LPAR1: variants seen among roughly 807,000 people sequenced by gnomAD.
The protein encoded by LPAR1 is lysophosphatidic acid receptor 1, also known as LPA receptor 1.
Under a neutral mutation model 23.8 loss-of-function variants are expected in LPAR1, and 5 were observed. That is an observed-to-expected ratio of 0.21 (90% CI 0.11 to 0.44). LPAR1 has a LOEUF of 0.44. Among genes scored for constraint, LPAR1 ranks in the 20% least tolerant of loss-of-function variants. The probability of loss-of-function intolerance (pLI) is 0.99; values close to 1 mark genes in which losing one functional copy is unlikely to be tolerated. For synonymous variants in LPAR1, 160 were observed against 164.7 expected (o/e 0.97, Z 0.22); for missense variants, 311 against 482.8 (o/e 0.64, Z 3.33).
At chr9:110,932,996 T>C (rs2094496742) in intron 5 of LPAR1, among the ~76,000 whole-genome samples, 1 of 152,230 alleles carries the variant, frequency 6.6e-6, no homozygotes, top group Admixed American at 6.5e-5. Flanking sequence ...AGTGGCCTGT[T>C]ACATTCCAAA....
intron 5 of LPAR1, among the ~76,000 whole-genome samples, chr9:110,939,905 T>C (rs2094972260): frequency 6.6e-6 from 1 of 152,202 alleles, no homozygotes; most frequent in South Asian, 2.1e-4. Flanking sequence ...AGGAAAAAAG[T>C]CTCATGTTAT....
At chr9:110,890,940 G>A (rs965217273) in intron 5 of LPAR1, among the ~76,000 whole-genome samples, 28 of 102,872 alleles carry the variant, frequency 2.7e-4, no homozygotes, top group African/African-American at 8.3e-4. Flanking sequence ...ATCTGGGAAT[G>A]GGGAAAACTA....
At chr9:110,876,808 T>C (rs540001526) in intron 5 of LPAR1, among the ~76,000 whole-genome samples, 1 of 152,346 alleles carries the variant, frequency 6.6e-6, no homozygotes, top group South Asian at 2.1e-4. Flanking sequence ...ATGAGATGCT[T>C]AATTCTATTT....
At chr9:110,884,603 A>T (rs56160799) in intron 5 of LPAR1, among the ~76,000 whole-genome samples, 429 of 152,290 alleles carry the variant, frequency 2.8e-3, no homozygotes, top group African/African-American at 9.9e-3. Context: ...CCATTAACCA[A>T]ATATTTTTCT....
chr9:111,028,982 T>C (rs1037379768), intron 2 of LPAR1, among the ~76,000 whole-genome samples: 9 of 152,110 alleles, frequency 5.9e-5, no homozygotes, highest in African/African-American at 2.2e-4. Context: ...ATTGTTGAAA[T>C]TTGCACCATT....
At chr9:110,949,283 G>T (rs184103031) in intron 4 of LPAR1, among the ~76,000 whole-genome samples, 1 of 152,244 alleles carries the variant, frequency 6.6e-6, no homozygotes, top group Non-Finnish European at 1.5e-5. Context: ...AAACACAGGA[G>T]GATGCCACAT....
At chr9:110,905,408 T>C (rs997990698) in intron 5 of LPAR1, among the ~76,000 whole-genome samples, 3 of 151,702 alleles carry the variant, frequency 2.0e-5, no homozygotes, top group East Asian at 3.9e-4. Context: ...TGCAGTGGCA[T>C]GATCTTGGCT....
chr9:110,920,902 T>C (rs1380463265), intron 5 of LPAR1, among the ~76,000 whole-genome samples: 1 of 152,082 alleles, frequency 6.6e-6, no homozygotes, highest in African/African-American at 2.4e-5. Context: ...GTGGGAGGAA[T>C]ACTTGAGGCC....
At chr9:110,938,102 CT>C (rs1434498580) in intron 5 of LPAR1, among the ~76,000 whole-genome samples, 18 of 152,208 alleles carry the variant, frequency 1.2e-4, no homozygotes, top group African/African-American at 3.9e-4. Context: ...TGACTACCTA[CT>C]TTGTACCAGA....
intron 5 of LPAR1, among the ~76,000 whole-genome samples, chr9:110,878,378 A>T (rs779508495): frequency 6.6e-5 from 10 of 152,174 alleles, no homozygotes; most frequent in African/African-American, 2.4e-4. Context: ...ATTGTAAGGG[A>T]TGAGGTTCCT....
intron 4 of LPAR1, among the ~76,000 whole-genome samples, chr9:110,968,069 G>A (rs758625820): frequency 3.3e-5 from 5 of 152,256 alleles, no homozygotes; most frequent in African/African-American, 7.2e-5. Flanking sequence ...AACTATTATC[G>A]AAAGTCAGAA....
rs2078630494 is a variant in LPAR1, at chr9:110,874,118, AAAAG to A, written c.*1299_*1302del. ...AGATGACATTTCACATTTTTTTAAA[AAAAG>A]AATCCTTCATGGGAATATATCCTAA... On this transcript the variant is annotated 3_prime_UTR_variant, in exon 6 of 6. Transcript: ENST00000683809. The A allele has an allele frequency of 6.6e-6, 1 of 152,656 alleles. No homozygotes were observed. Among genetic ancestry groups the A allele is most frequent in the African/African-American group, 2.4e-5 (1 of 41,450 alleles). The allele number at this position is 152,656 out of a possible 1,614,324, so 9.5% of individuals were successfully genotyped here.
intron 4 of LPAR1, among the ~76,000 whole-genome samples, chr9:110,954,889 T>C (rs1015517930): frequency 1.3e-5 from 2 of 152,150 alleles, no homozygotes; most frequent in East Asian, 1.9e-4. Flanking sequence ...GGATAATTTC[T>C]ACCATCATGA....
intron 2 of LPAR1, among the ~76,000 whole-genome samples, chr9:111,022,376 T>C (rs940748229): frequency 6.6e-6 from 1 of 152,200 alleles, no homozygotes; most frequent in East Asian, 1.9e-4. Context: ...AATTGAATCA[T>C]GGTCTCCCAT....
In LPAR1 at chr9:110,892,835, A is replaced by C. The variant is rs566543563; in HGVS notation, c.794-17113T>G. On this transcript the variant is annotated intron_variant, in intron 5 of 5. Coordinates refer to ENST00000683809, the MANE Select transcript of LPAR1 (RefSeq NM_001351411.2). The stretch of plus-strand genomic sequence containing the variant: ...AAGGAAGGAAGGAAGGAAGGCAGGC[A>C]GGCAGGCAGGCAGGCAGGCAGGCAG... 1.8e-3 allele frequency among the ~76,000 whole-genome samples: 184 copies of C among 103,976 alleles called. 2 individuals are homozygous for C. The highest frequency in any genetic ancestry group is 8.5e-3 in the African/African-American group (174 of 20,486). The allele number at this position is 103,976 out of a possible 152,430, so 68.2% of individuals were successfully genotyped here.
intron 5 of LPAR1, among the ~76,000 whole-genome samples, chr9:110,902,907 GGA>G (rs770208407): frequency 6.6e-6 from 1 of 152,166 alleles, no homozygotes; most frequent in Non-Finnish European, 1.5e-5. Flanking sequence ...GCAGACGCCA[GGA>G]GGAACCCTAG....
At chr9:111,023,096 T>C (rs916405493) in intron 2 of LPAR1, among the ~76,000 whole-genome samples, 2 of 142,390 alleles carry the variant, frequency 1.4e-5, no homozygotes, top group Non-Finnish European at 3.0e-5. Flanking sequence ...TTTAGCAATA[T>C]ACTATATTGC....
At chr9:110,959,254 A>C (rs1475483734) in intron 4 of LPAR1, among the ~76,000 whole-genome samples, 1 of 151,014 alleles carries the variant, frequency 6.6e-6, no homozygotes, top group East Asian at 1.9e-4. Flanking sequence ...AAAGAGAAAA[A>C]AGAAAGAAAG....
intron 5 of LPAR1, among the ~76,000 whole-genome samples, chr9:110,878,172 CTG>C (rs1264939949): frequency 3.3e-5 from 5 of 152,132 alleles, no homozygotes; most frequent in African/African-American, 9.7e-5. Flanking sequence ...TCCCAACACT[CTG>C]TGTTTGGATC....
Sources: gnomAD v4.1 joint callset for allele counts (sites outside exome capture counted in the v4.1 genomes callset) on GRCh38, gnomAD v4.1.1 for gene constraint, MANE v1.5 for transcripts, NCBI Gene and HGNC (gene_info 2026-07-23, HGNC 2026-07-21) for gene names.